The following RBMS3 variants were observed in gnomAD, a reference collection of about 807,000 sequenced individuals.
RBMS3 encodes the protein RNA binding motif single stranded interacting protein 3.
A neutral mutation model predicts 66.8 loss-of-function variants in RBMS3; 27 were observed. That is an observed-to-expected ratio of 0.40 (90% CI 0.30 to 0.56). The LOEUF is 0.56. RBMS3 is among the 20% of genes least tolerant of loss of function. RBMS3 has a pLI of 0.40. For synonymous variants in RBMS3, 188 were observed against 183.0 expected (o/e 1.03, Z -0.22); for missense variants, 513 against 549.5 (o/e 0.93, Z 0.66).
At chr3:29,327,554 G>T (rs1355688765) in intron 1 of RBMS3, among the ~76,000 whole-genome samples, 1 of 151,964 alleles carries the variant, frequency 6.6e-6, no homozygotes, top group Non-Finnish European at 1.5e-5. Flanking sequence ...CTTCTAATCT[G>T]GAAATATAAT....
At chr3:29,996,703 A>G (rs1336902868) in intron 14 of RBMS3, among the ~76,000 whole-genome samples, 3 of 152,194 alleles carry the variant, frequency 2.0e-5, no homozygotes, top group Non-Finnish European at 4.4e-5. Context: ...AGAAATAAAG[A>G]TGTTCTTTGA....
chr3:29,331,569 C>T (rs941628773), intron 1 of RBMS3, among the ~76,000 whole-genome samples: 2 of 152,102 alleles, frequency 1.3e-5, no homozygotes, highest in Non-Finnish European at 1.5e-5. Flanking sequence ...CATCTCAGAC[C>T]TTGCTTCCAG....
At chr3:29,508,990 A>G (rs546776761) in intron 3 of RBMS3, among the ~76,000 whole-genome samples, 2 of 151,106 alleles carry the variant, frequency 1.3e-5, no homozygotes, top group South Asian at 4.2e-4. Context: ...TGGCTGCATA[A>G]ATGTCTTCTT....
At chr3:29,420,505 C>T (rs895718577) in intron 1 of RBMS3, among the ~76,000 whole-genome samples, 7 of 152,186 alleles carry the variant, frequency 4.6e-5, no homozygotes, top group African/African-American at 1.4e-4. Flanking sequence ...TCCGAAATGA[C>T]GTGACTCAGT....
intron 6 of RBMS3, among the ~76,000 whole-genome samples, chr3:29,776,527 A>G (rs1467030154): frequency 6.6e-6 from 1 of 151,974 alleles, no homozygotes; most frequent in Non-Finnish European, 1.5e-5. Context: ...AAAAAAACCT[A>G]ATTGTCCCAT....
At chr3:29,583,318 G>T (rs9881566) in intron 3 of RBMS3, among the ~76,000 whole-genome samples, 9,092 of 152,114 alleles carry the variant, frequency 0.06, 558 homozygotes, top group East Asian at 0.31. Context: ...TAAAGGGTGG[G>T]AGCCATAAAA....
chr3:29,788,202 A>AT (rs34037007), intron 6 of RBMS3, among the ~76,000 whole-genome samples: 9,365 of 134,890 alleles, frequency 0.069, 835 homozygotes, highest in African/African-American at 0.21. Flanking sequence ...TTTGGAGTTC[A>AT]TTTTTTTTTT....
chr3:29,932,736 C>T (rs2061161896), intron 10 of RBMS3, among the ~76,000 whole-genome samples: 1 of 152,154 alleles, frequency 6.6e-6, no homozygotes, highest in South Asian at 2.1e-4. Context: ...CTTTCAAAGA[C>T]TTCAAATTTC....
intron 3 of RBMS3, among the ~76,000 whole-genome samples, chr3:29,508,956 A>G (rs564321159): frequency 2.0e-5 from 3 of 151,496 alleles, no homozygotes; most frequent in South Asian, 2.1e-4. Context: ...ACCAGTGATG[A>G]TGAGCTTTTC....
chr3:29,533,397 G>C (rs1279804079), intron 3 of RBMS3, among the ~76,000 whole-genome samples: 1 of 152,162 alleles, frequency 6.6e-6, no homozygotes, highest in African/African-American at 2.4e-5. Context: ...TGGGAGGATG[G>C]TTTGAGCCCA....
chr3:29,587,072 G>A, intron 3 of RBMS3, 42 bp from the exon 4 acceptor site: 2 of 1,477,490 alleles, frequency 1.4e-6, no homozygotes, highest in Non-Finnish European at 1.9e-6. Context: ...TAGAGATTCA[G>A]CTTTTTGTGA....
At chr3:29,747,374 CTAGG>C (rs199844743) in intron 5 of RBMS3, among the ~76,000 whole-genome samples, 1,636 of 145,276 alleles carry the variant, frequency 0.011, 14 homozygotes, top group Non-Finnish European at 0.018. Flanking sequence ...ATCTATCTAT[CTAGG>C]TAGGTAGGTA....
chr3:29,378,744 T>C (rs551677850), intron 1 of RBMS3, among the ~76,000 whole-genome samples: 3 of 152,312 alleles, frequency 2.0e-5, no homozygotes, highest in African/African-American at 7.2e-5. Context: ...TTGGGTTGTA[T>C]ATTCTGTCTT....
intron 8 of RBMS3, among the ~76,000 whole-genome samples, chr3:29,896,601 A>G (rs1384250692): frequency 1.3e-5 from 2 of 151,550 alleles, no homozygotes; most frequent in African/African-American, 4.8e-5. Context: ...GCATTCAGTA[A>G]CTCATCGACT....
At chr3:29,646,033 G>A (rs1225073039) in intron 4 of RBMS3, among the ~76,000 whole-genome samples, 1 of 152,184 alleles carries the variant, frequency 6.6e-6, no homozygotes, top group African/African-American at 2.4e-5. Flanking sequence ...TAACATACAA[G>A]CCTGCTATCA....
chr3:29,362,090 A>T (rs1206176529), intron 1 of RBMS3, among the ~76,000 whole-genome samples: 1 of 152,178 alleles, frequency 6.6e-6, no homozygotes, highest in Non-Finnish European at 1.5e-5. Context: ...ATTGCTGGTG[A>T]GGAGCTGCAT....
intron 1 of RBMS3, among the ~76,000 whole-genome samples, chr3:29,426,768 C>G (rs1055917782): frequency 6.6e-6 from 1 of 152,204 alleles, no homozygotes; most frequent in African/African-American, 2.4e-5. Flanking sequence ...ATTACTCCAA[C>G]TAGAACTGAG....
At chr3:29,934,221 A>G (rs1485320458) in intron 10 of RBMS3, 1 of 152,076 alleles carries the variant, frequency 6.6e-6, no homozygotes, top group Non-Finnish European at 1.5e-5. Context: ...AATATTCTAA[A>G]AAGATAACCT....
intron 4 of RBMS3, among the ~76,000 whole-genome samples, chr3:29,652,711 C>T (rs913543793): frequency 4.5e-4 from 69 of 152,172 alleles, no homozygotes; most frequent in African/African-American, 1.6e-3. Context: ...TCTTAAATGT[C>T]TTTAAGGTTT....
Sources: gnomAD v4.1 joint callset for allele counts (sites outside exome capture counted in the v4.1 genomes callset) on GRCh38, gnomAD v4.1.1 for gene constraint, MANE v1.5 for transcripts, NCBI Gene and HGNC (gene_info 2026-07-23, HGNC 2026-07-21) for gene names.